The following GDPD5 variants were observed in gnomAD, a reference collection of about 807,000 sequenced individuals.
GDPD5 encodes the protein glycerophosphodiester phosphodiesterase domain containing 5, also known as glycerophosphodiester phosphodiesterase 2.
A neutral mutation model predicts 75.1 loss-of-function variants in GDPD5; 48 were observed. That is an observed-to-expected ratio of 0.64 (90% CI 0.51 to 0.81). The LOEUF is 0.81. GDPD5 is among the 40% of genes least tolerant of loss of function. GDPD5 has a pLI of 0.00. For synonymous variants in GDPD5, 336 were observed against 339.0 expected (o/e 0.99, Z 0.10); for missense variants, 706 against 822.6 (o/e 0.86, Z 1.73).
At chr11:75,463,522 C>T (rs1489188648) in intron 3 of GDPD5, among the ~76,000 whole-genome samples, 2 of 152,186 alleles carry the variant, frequency 1.3e-5, no homozygotes, top group African/African-American at 2.4e-5. Context: ...GGCACTTCCT[C>T]CTGGCCCTCC....
At chr11:75,451,615 C>T (rs1056031883) in intron 6 of GDPD5, 9 of 152,274 alleles carry the variant, frequency 5.9e-5, no homozygotes, top group African/African-American at 2.2e-4. Context: ...CCTCGGCACT[C>T]AGGCCCCTTC....
At chr11:75,486,682 T>G (rs1950026677) in intron 2 of GDPD5, among the ~76,000 whole-genome samples, 1 of 152,172 alleles carries the variant, frequency 6.6e-6, no homozygotes, top group African/African-American at 2.4e-5. Context: ...CCTCAATGCC[T>G]GGCAAACTCC....
intron 1 of GDPD5, among the ~76,000 whole-genome samples, chr11:75,518,149 C>T (rs1366140539): frequency 2.0e-5 from 3 of 152,204 alleles, no homozygotes; most frequent in African/African-American, 7.2e-5. Flanking sequence ...GGGGTGGGTG[C>T]TTGCCATGTG....
chr11:75,458,701 A>T (rs532958312), intron 4 of GDPD5, among the ~76,000 whole-genome samples: 12 of 148,972 alleles, frequency 8.1e-5, no homozygotes, highest in African/African-American at 1.2e-4. Context: ...AATAAATAAA[A>T]TAAATAAATA....
chr11:75,470,068 A>G (rs1382886833), intron 3 of GDPD5, among the ~76,000 whole-genome samples: 1 of 152,178 alleles, frequency 6.6e-6, no homozygotes, highest in African/African-American at 2.4e-5. Context: ...GATCCTTAAC[A>G]TTGTCAGTTA....
At chr11:75,523,110 T>G (rs1433860048) in intron 1 of GDPD5, among the ~76,000 whole-genome samples, 4 of 152,206 alleles carry the variant, frequency 2.6e-5, no homozygotes, top group Non-Finnish European at 5.9e-5. Flanking sequence ...TTCATAGGGA[T>G]GGAAACGGAT....
At chr11:75,501,229 G>GC (rs751541611) in intron 1 of GDPD5, among the ~76,000 whole-genome samples, 44 of 152,320 alleles carry the variant, frequency 2.9e-4, no homozygotes, top group Non-Finnish European at 3.1e-4. Context: ...CCCTGGCTCG[G>GC]CCCCTCCTCG....
chr11:75,441,190 G>C lies in GDPD5; in HGVS notation c.1446C>G (p.Ser482=). ...TGATCCAGAGGGGGGAAGGCACCTG[G>C]GACAGGGCGTGGGAGTTGTCAGAGG... ...SVTSDNSHAL[S]QVPSPLWIMP... The change falls in exon 14 of 17, where the codon TCC becomes TCG. Residue 482 remains serine (S), a synonymous_variant. Transcript: ENST00000336898. The C allele has an allele frequency of 6.2e-7, 1 of 1,613,930 alleles. No homozygotes were observed. The highest frequency in any genetic ancestry group is 8.5e-7 in the Non-Finnish European group (1 of 1,179,970).
rs199943401 is a variant in GDPD5 at position 75,445,786 on chromosome 11, A to G, written c.715-1291T>C. On this transcript the variant is annotated intron_variant, in intron 9 of 16. Transcript: ENST00000336898. Reference sequence around the variant, plus strand: ...TGGTGAGGGCTTTGGAACGGACTAAAAAGGTGCAATTTCACTTCCCAGACA... The same window carrying G: ...TGGTGAGGGCTTTGGAACGGACTAAGAAGGTGCAATTTCACTTCCCAGACA... Among the ~76,000 whole-genome samples, 3 of 152,214 alleles carry G rather than the reference A, an allele frequency of 2.0e-5. No homozygotes were observed. In the East Asian group the frequency reaches 5.8e-4, roughly 29 times the overall value.
intron 3 of GDPD5, among the ~76,000 whole-genome samples, chr11:75,475,076 TA>T (rs1949750712): frequency 6.6e-6 from 1 of 152,232 alleles, no homozygotes; most frequent in African/African-American, 2.4e-5. Context: ...GCAATGCATG[TA>T]AACTGTTTGC....
At chr11:75,517,748 A>G (rs1205689280) in intron 1 of GDPD5, among the ~76,000 whole-genome samples, 2 of 152,040 alleles carry the variant, frequency 1.3e-5, no homozygotes, top group African/African-American at 2.4e-5. Flanking sequence ...AGTGGGGTCA[A>G]TTATCGGTGA....
At chr11:75,475,348 T>A (rs1255945047) in intron 3 of GDPD5, among the ~76,000 whole-genome samples, 1 of 152,010 alleles carries the variant, frequency 6.6e-6, no homozygotes, top group Non-Finnish European at 1.5e-5. Flanking sequence ...AAGAGCCGTC[T>A]CCACCACCCC....
chr11:75,512,325 C>CACACACACA (rs55710152), intron 1 of GDPD5, among the ~76,000 whole-genome samples: 1 of 149,058 alleles, frequency 6.7e-6, no homozygotes, highest in African/African-American at 2.5e-5. Flanking sequence ...CACACACACA[C>CACACACACA]GAGGGGAGAG....
At chr11:75,476,776 C>T (rs900283688) in intron 3 of GDPD5, among the ~76,000 whole-genome samples, 3 of 152,182 alleles carry the variant, frequency 2.0e-5, no homozygotes, top group African/African-American at 7.2e-5. Context: ...GTCATCAGCA[C>T]AGGCAGAGGA....
intron 3 of GDPD5, among the ~76,000 whole-genome samples, chr11:75,471,224 G>C (rs1048661369): frequency 2.6e-5 from 4 of 152,240 alleles, no homozygotes; most frequent in African/African-American, 4.8e-5. Context: ...CCAAAAGGGA[G>C]AGATGGGCAG....
chr11:75,480,931 T>C (rs1355381568), intron 2 of GDPD5, among the ~76,000 whole-genome samples: 4 of 152,218 alleles, frequency 2.6e-5, no homozygotes, highest in African/African-American at 9.6e-5. Flanking sequence ...TCTACGGCTG[T>C]TTTAACTGTA....
In GDPD5 at chr11:75,435,235, T is replaced by A. The variant is rs1948594210; in HGVS notation, c.*272A>T. 1.6e-5 allele frequency: 6 copies of A among 370,588 alleles called. No individual in the cohort carries two copies. In the East Asian group the frequency reaches 2.1e-4, roughly 13 times the overall value. 23.0% of individuals were successfully genotyped at this position (370,588 alleles called of 1,614,324 possible). Reference sequence around the variant, plus strand: ...CCAGGTCGGGATACAGGAGAGGGCCTCAGAAGAGGGGGACCAAGCCCTAGG... The same window carrying A: ...CCAGGTCGGGATACAGGAGAGGGCCACAGAAGAGGGGGACCAAGCCCTAGG... On this transcript the variant is annotated 3_prime_UTR_variant, in exon 17 of 17. Transcript: ENST00000336898.
intron 2 of GDPD5, among the ~76,000 whole-genome samples, chr11:75,487,865 T>C (rs1443393016): frequency 6.6e-6 from 1 of 152,180 alleles, no homozygotes; most frequent in Non-Finnish European, 1.5e-5. Flanking sequence ...AATCTCAGGC[T>C]CCAAATGCCC....
Position 75,444,505 on chromosome 11 carries a change from A to G in GDPD5, c.715-10T>C. 6.2e-7 allele frequency: 1 copy of G among 1,609,928 alleles called. No homozygotes were observed. The highest frequency in any genetic ancestry group is 8.5e-7 in the Non-Finnish European group (1 of 1,176,644). ...TGTGCTCTGGAGCCAGCTGGGGAAG[A>G]AGGGGTGGTGAAGGGAGAGCCAAGA... On this transcript the variant is annotated splice_polypyrimidine_tract_variant and intron_variant, in intron 9 of 16. Coordinates refer to ENST00000336898, the MANE Select transcript of GDPD5 (RefSeq NM_030792.8).
Sources: allele counts gnomAD v4.1 joint callset (sites outside exome capture counted in the v4.1 genomes callset), GRCh38; gene constraint gnomAD v4.1.1; transcripts MANE v1.5; gene names NCBI Gene and HGNC (gene_info 2026-07-23, HGNC 2026-07-21).